The following KLRG1 variants were observed in gnomAD, a reference collection of about 807,000 sequenced individuals.
KLRG1 encodes the protein killer cell lectin like receptor G1.
A neutral mutation model predicts 21.8 loss-of-function variants in KLRG1; 16 were observed. That is an observed-to-expected ratio of 0.73 (90% CI 0.50 to 1.11). The LOEUF is 1.11. KLRG1 is among the 50% of genes most tolerant of loss of function. The pLI is 0.00. For missense variants in KLRG1, 173 were observed against 218.3 expected, an observed-to-expected ratio of 0.79 and a Z score of 1.31; for synonymous variants, 69 against 75.9, an observed-to-expected ratio of 0.91 and a Z score of 0.47.
chr12:9,197,078 C>T, the KLRG1 span: 1 of 1,613,498 alleles, frequency 6.2e-7, no homozygotes, highest in South Asian at 1.1e-5. Flanking sequence ...ATTTTCTACA[C>T]AGGCTCACAG....
chr12:9,081,799 A>G, the KLRG1 span, among the ~76,000 whole-genome samples: 2 of 152,214 alleles, frequency 1.3e-5, no homozygotes, highest in African/African-American at 4.8e-5. Context: ...TTCACCGGGA[A>G]CACAGGAAGT....
the KLRG1 span, among the ~76,000 whole-genome samples, chr12:9,024,670 T>G: frequency 8.5e-4 from 130 of 152,324 alleles, no homozygotes; most frequent in Non-Finnish European, 1.3e-3. Flanking sequence ...TTTGGGTGCC[T>G]ATTTCTTTAT....
the KLRG1 span, among the ~76,000 whole-genome samples, chr12:9,054,581 A>C: frequency 6.6e-6 from 1 of 152,164 alleles, no homozygotes; most frequent in Admixed American, 6.5e-5. Flanking sequence ...GAGCTTTCCT[A>C]ACACAATTCT....
chr12:9,153,297 G>A, the KLRG1 span: 3 of 1,614,044 alleles, frequency 1.9e-6, no homozygotes. Context: ...TCTGGTGAAA[G>A]TGGCTGCTCC....
At chr12:9,132,147 G>A in the KLRG1 span, among the ~76,000 whole-genome samples, 1 of 152,184 alleles carries the variant, frequency 6.6e-6, no homozygotes, top group African/African-American at 2.4e-5. Flanking sequence ...GGGGGATGAA[G>A]GTCTGCATGT....
intron 1 of KLRG1, among the ~76,000 whole-genome samples, chr12:8,982,629 C>T (rs753641165): frequency 1.3e-5 from 2 of 151,556 alleles, no homozygotes; most frequent in East Asian, 3.9e-4. Context: ...ATCTTACAGC[C>T]AGAACAGACA....
chr12:9,194,009 T>C, the KLRG1 span: 1 of 1,413,818 alleles, frequency 7.1e-7, no homozygotes, highest in South Asian at 1.4e-5. Flanking sequence ...AATCTGTACA[T>C]TTCTTCTGAA....
chr12:9,149,104 C>T, the KLRG1 span: 3 of 934,672 alleles, frequency 3.2e-6, no homozygotes, highest in East Asian at 2.4e-5. Flanking sequence ...TTGTGAAAGG[C>T]CAGATGGTAA....
the KLRG1 span, among the ~76,000 whole-genome samples, chr12:9,034,749 T>C: frequency 6.6e-6 from 1 of 152,202 alleles, no homozygotes; most frequent in South Asian, 2.1e-4. Context: ...GCCTGGCCAT[T>C]ATACTTTTTA....
At chr12:9,198,335 G>A in the KLRG1 span, among the ~76,000 whole-genome samples, 3 of 151,974 alleles carry the variant, frequency 2.0e-5, no homozygotes, top group Non-Finnish European at 4.4e-5. Context: ...CTGGGTGAGA[G>A]ACTCTGTCTA....
At chr12:8,982,802 C>A (rs972684912) in intron 1 of KLRG1, among the ~76,000 whole-genome samples, 2 of 151,976 alleles carry the variant, frequency 1.3e-5, no homozygotes, top group African/African-American at 2.4e-5. Flanking sequence ...CCTGCCACCA[C>A]GCCTGGCTAT....
At chr12:9,195,227 A>G in the KLRG1 span, among the ~76,000 whole-genome samples, 1 of 152,218 alleles carries the variant, frequency 6.6e-6, no homozygotes, top group Non-Finnish European at 1.5e-5. Context: ...TGATGTATCA[A>G]TTTTTAAAAA....
the KLRG1 span, among the ~76,000 whole-genome samples, chr12:9,215,418 A>C: frequency 6.6e-6 from 1 of 152,044 alleles, no homozygotes; most frequent in Non-Finnish European, 1.5e-5. Flanking sequence ...AAAAAATTAA[A>C]TTGTGATTAC....
the KLRG1 span, chr12:9,064,880 C>T: frequency 6.6e-6 from 1 of 152,548 alleles, no homozygotes; most frequent in Non-Finnish European, 1.5e-5. This position sits in a 1 kb window ranked among gnomAD's most constrained non-coding sequence, Gnocchi z 4.0. Flanking sequence ...ATTCCTGGGC[C>T]TTGGGAGGAG....
At chr12:9,203,549 G>GC in the KLRG1 span, among the ~76,000 whole-genome samples, 1 of 151,918 alleles carries the variant, frequency 6.6e-6, no homozygotes, top group Non-Finnish European at 1.5e-5. Context: ...CATCTTGTTA[G>GC]CCAGGATGGT....
the KLRG1 span, chr12:9,072,452 T>A: frequency 2.5e-6 from 4 of 1,613,088 alleles, no homozygotes; most frequent in Non-Finnish European, 3.4e-6. Flanking sequence ...GGGGAACTCT[T>A]CCTTTTCTGG....
chr12:9,182,132 G>GAGTGAGACAAAATGGTCATA, the KLRG1 span: 1,127,773 of 1,553,924 alleles, frequency 0.73, 416,962 homozygotes, highest in East Asian at 0.79. Flanking sequence ...AACATGGAGA[G>GAGTGAGACAAAATGGTCATA]AGTGAGACAA....
chr12:9,147,215 T>A, the KLRG1 span, among the ~76,000 whole-genome samples: 1 of 152,168 alleles, frequency 6.6e-6, no homozygotes, highest in African/African-American at 2.4e-5. Context: ...GGGAGAAGGA[T>A]CTATAGTGCC....
the KLRG1 span, among the ~76,000 whole-genome samples, chr12:9,131,324 T>A: frequency 9.9e-5 from 15 of 152,242 alleles, no homozygotes; most frequent in African/African-American, 1.4e-4. Context: ...GAGAGTTTAC[T>A]ATACATTTTG....
Sources: gnomAD v4.1 joint callset for allele counts (sites outside exome capture counted in the v4.1 genomes callset) on GRCh38, gnomAD v4.1.1 for gene constraint, Gnocchi (gnomAD v3.1) non-coding constraint, MANE v1.5 for transcripts, NCBI Gene and HGNC (gene_info 2026-07-23, HGNC 2026-07-21) for gene names.